SPOP: variants seen among roughly 807,000 people sequenced by gnomAD.
The protein encoded by SPOP is speckle-type POZ protein.
In SPOP, 11 loss-of-function variants were observed where a neutral mutation model predicts 45.6. That is an observed-to-expected ratio of 0.24 (90% CI 0.15 to 0.40). The LOEUF (loss-of-function observed/expected upper bound fraction) is 0.40, where lower values mean the gene tolerates loss of function less well. Among genes scored for constraint, SPOP ranks in the 10% least tolerant of loss-of-function variants. The pLI, the probability that SPOP is intolerant of heterozygous loss-of-function variation, is 1.00. For missense variants in SPOP, 152 were observed against 465.6 expected, an observed-to-expected ratio of 0.33 and a Z score of 6.20; for synonymous variants, 166 against 166.3, an observed-to-expected ratio of 1.00 and a Z score of 0.01.
chr17:49,624,399 TGATTA>T (rs1373833191), intron 1 of SPOP, among the ~76,000 whole-genome samples: 2 of 152,066 alleles, frequency 1.3e-5, no homozygotes, highest in African/African-American at 4.8e-5. Flanking sequence ...TTAATTGGTT[TGATTA>T]TAGTAATCAT....
chr17:49,622,501 T>C (rs2072239768), intron 2 of SPOP: 1 of 568,404 alleles, frequency 1.8e-6, no homozygotes, highest in Non-Finnish European at 3.1e-6. Context: ...TAAGCAGATC[T>C]AGTTTCAAAG....
At position 49,619,177 on chromosome 17, in the gene SPOP, G is replaced by T; in HGVS notation, c.352+57C>A. 2 of 1,613,764 alleles carry T rather than the reference G, an allele frequency of 1.2e-6. No homozygotes were observed. The highest frequency in any genetic ancestry group is 1.7e-6 in the Non-Finnish European group (2 of 1,179,898). On this transcript the variant is annotated intron_variant, in intron 4 of 9. Transcript: ENST00000504102. This position sits in a 1 kb window ranked among gnomAD's most constrained non-coding sequence, Gnocchi z 4.9. ...ACCAGATCAAAGCCACAACTTGTCA[G>T]TGTATGAAACTTCTGGATGTGAAAC...
intron 1 of SPOP, among the ~76,000 whole-genome samples, chr17:49,652,276 T>C (rs563674554): frequency 2.6e-5 from 4 of 152,314 alleles, no homozygotes; most frequent in East Asian, 3.9e-4. Flanking sequence ...CAACCTGTAG[T>C]AGAGTCACCA....
intron 1 of SPOP, among the ~76,000 whole-genome samples, chr17:49,658,210 C>G (rs1250291389): frequency 6.6e-6 from 1 of 152,076 alleles, no homozygotes; most frequent in African/African-American, 2.4e-5. Context: ...ATATAAATAT[C>G]TACATGCACA....
At chr17:49,620,492 AATAATCTTTTATAGATAATAATATAC>A (rs2072201029) in intron 3 of SPOP, 1 of 151,714 alleles carries the variant, frequency 6.6e-6, no homozygotes, top group Non-Finnish European at 1.5e-5. Context: ...AAAAAGTGTG[AATAATCTTTTATAGATAATAATATAC>A]ATAATCTTTT....
intron 1 of SPOP, among the ~76,000 whole-genome samples, chr17:49,669,557 G>A (rs953242631): frequency 1.5e-4 from 22 of 148,984 alleles, no homozygotes; most frequent in African/African-American, 4.9e-4. Context: ...ACAAGGTCAG[G>A]AGATCGAGAC....
chr17:49,657,696 CTTTTT>C (rs34194099), intron 1 of SPOP, among the ~76,000 whole-genome samples: 21 of 100,956 alleles, frequency 2.1e-4, no homozygotes, highest in Non-Finnish European at 3.9e-4. Flanking sequence ...CGCACCCGGC[CTTTTT>C]TTTTTTTTTT....
intron 1 of SPOP, among the ~76,000 whole-genome samples, chr17:49,662,432 A>C (rs767467958): frequency 6.6e-6 from 1 of 152,224 alleles, no homozygotes; most frequent in Non-Finnish European, 1.5e-5. Context: ...CTGTAATCCC[A>C]GCACTTTGGG....
chr17:49,605,639 G>A (rs540432875), intron 8 of SPOP, among the ~76,000 whole-genome samples: 19 of 152,016 alleles, frequency 1.2e-4, no homozygotes, highest in African/African-American at 3.9e-4. Context: ...GCAGTGAGCC[G>A]AGATTGTGCC....
intron 1 of SPOP, among the ~76,000 whole-genome samples, chr17:49,671,754 C>T (rs553014089): frequency 1.4e-4 from 22 of 152,088 alleles, no homozygotes; most frequent in African/African-American, 4.8e-4. Context: ...GCCTGTAATC[C>T]CAGGACTTTG....
chr17:49,615,761 T>C (rs1273724929), intron 5 of SPOP, among the ~76,000 whole-genome samples: 1 of 152,140 alleles, frequency 6.6e-6, no homozygotes, highest in East Asian at 1.9e-4. Flanking sequence ...CTTGGGTGAA[T>C]GGCATTCAGC....
At chr17:49,642,021 G>T (rs555369933) in intron 1 of SPOP, among the ~76,000 whole-genome samples, 2 of 150,308 alleles carry the variant, frequency 1.3e-5, no homozygotes, top group East Asian at 3.9e-4. Context: ...GTGAGACTCC[G>T]CCTCAAAAAA....
chr17:49,622,715 C>T lies in SPOP; in HGVS notation c.78+18G>A, dbSNP rs2143300928. On this transcript the variant is annotated intron_variant, in intron 2 of 9. Coordinates refer to ENST00000504102, the MANE Select transcript of SPOP (RefSeq NM_001007228.2). ...CCTCCCCAGATGCAAGATTCACAGG[C>T]TGAAAACTTCAACTTACCTGTGTGT... 1 of 1,611,820 alleles carries T rather than the reference C, an allele frequency of 6.2e-7. No homozygotes were observed.
At chr17:49,636,797 T>C (rs1186922638) in intron 1 of SPOP, 1 of 152,216 alleles carries the variant, frequency 6.6e-6, no homozygotes, top group Non-Finnish European at 1.5e-5. Flanking sequence ...TTGTCTTGTC[T>C]AACAGGAAAT....
intron 5 of SPOP, 35 bp from the exon 6 acceptor site, chr17:49,611,492 G>C: frequency 6.3e-7 from 1 of 1,598,028 alleles, no homozygotes; most frequent in African/African-American, 1.4e-5. Context: ...CCAAGCTTTT[G>C]TTACCAGGAA....
At chr17:49,608,418 C>A (rs1403107646) in intron 6 of SPOP, among the ~76,000 whole-genome samples, 1 of 152,172 alleles carries the variant, frequency 6.6e-6, no homozygotes, top group Non-Finnish European at 1.5e-5. Flanking sequence ...GGCAAACTGT[C>A]TGTTTTTCTA....
intron 1 of SPOP, among the ~76,000 whole-genome samples, chr17:49,653,109 CT>C (rs1235320862): frequency 6.6e-6 from 1 of 152,074 alleles, no homozygotes; most frequent in Admixed American, 6.6e-5. Flanking sequence ...TTTTTTCCCC[CT>C]CATCTTTAAT....
chr17:49,668,554 A>T (rs1029427047), intron 1 of SPOP, among the ~76,000 whole-genome samples: 6 of 152,114 alleles, frequency 3.9e-5, no homozygotes, highest in Non-Finnish European at 7.4e-5. Flanking sequence ...GGAAGAAGAA[A>T]ATAGGAGTAC....
At chr17:49,655,591 A>T (rs2072898663) in intron 1 of SPOP, among the ~76,000 whole-genome samples, 1 of 152,174 alleles carries the variant, frequency 6.6e-6, no homozygotes, top group Non-Finnish European at 1.5e-5. Flanking sequence ...TTACATCCAA[A>T]ATTCTATCTT....
Sources: gnomAD v4.1 joint callset for allele counts (sites outside exome capture counted in the v4.1 genomes callset) on GRCh38, gnomAD v4.1.1 for gene constraint, Gnocchi (gnomAD v3.1) non-coding constraint, MANE v1.5 for transcripts, NCBI Gene and HGNC (gene_info 2026-07-23, HGNC 2026-07-21) for gene names.